TM9SF3: variants seen among roughly 807,000 people sequenced by gnomAD.
The protein encoded by TM9SF3 is SM-11044-binding protein.
A neutral mutation model predicts 78.6 loss-of-function variants in TM9SF3; 14 were observed. That is an observed-to-expected ratio of 0.18 (90% CI 0.12 to 0.28). TM9SF3 has a LOEUF of 0.28. TM9SF3 is among the 10% of genes least tolerant of loss of function. The pLI, the probability that TM9SF3 is intolerant of heterozygous loss-of-function variation, is 1.00. For missense variants in TM9SF3, 496 were observed against 721.9 expected (o/e 0.69, Z 3.59); for synonymous variants, 231 against 241.7 (o/e 0.96, Z 0.41).
intron 4 of TM9SF3, among the ~76,000 whole-genome samples, chr10:96,559,981 A>C (rs941331806): frequency 3.3e-5 from 5 of 152,232 alleles, no homozygotes; most frequent in Admixed American, 6.5e-5. Context: ...AGGACTGTTT[A>C]CTTTTGTTGA....
chr10:96,565,737 A>G (rs1274134165), intron 2 of TM9SF3, among the ~76,000 whole-genome samples: 1 of 152,192 alleles, frequency 6.6e-6, no homozygotes, highest in Non-Finnish European at 1.5e-5. Flanking sequence ...ATTGATTTTA[A>G]AAACAAAAAA....
In TM9SF3 at chr10:96,575,381, T is replaced by C. The variant is rs1299382234; in HGVS notation, c.298+1253A>G. On this transcript the variant is annotated intron_variant, in intron 2 of 14. Transcript: ENST00000371142. ...AGCCTCAAAGGTATGTTTACAGTGA[T>C]TCATAAAATTACAGGCCATGCCACT... Among the ~76,000 whole-genome samples the C allele has an allele frequency of 4.0e-5, 6 of 151,800 alleles. No homozygotes were observed. The South Asian group carries it at 1.2e-3, about 32-fold the overall frequency.
intron 2 of TM9SF3, among the ~76,000 whole-genome samples, chr10:96,565,813 G>A (rs1848362301): frequency 6.6e-6 from 1 of 152,072 alleles, no homozygotes; most frequent in Non-Finnish European, 1.5e-5. Flanking sequence ...GTCATAAACA[G>A]AGATAACCAT....
intron 5 of TM9SF3, among the ~76,000 whole-genome samples, chr10:96,557,277 T>C (rs1341915968): frequency 6.6e-6 from 1 of 152,134 alleles, no homozygotes; most frequent in East Asian, 1.9e-4. Flanking sequence ...TCCCAAACTG[T>C]ACCCTAATCT....
intron 1 of TM9SF3, among the ~76,000 whole-genome samples, chr10:96,585,286 G>A (rs1256083447): frequency 7.9e-5 from 12 of 152,030 alleles, no homozygotes; most frequent in Admixed American, 7.2e-4. Context: ...TTAAACAGAA[G>A]GATGGATGCC....
rs528489765 is a variant in TM9SF3, at chr10:96,579,222, G to GTT, written c.103-2394_103-2393insAA. Among the ~76,000 whole-genome samples the GTT allele has an allele frequency of 3.2e-4, 49 of 152,310 alleles. 2 individuals are homozygous for GTT. The South Asian group carries it at 9.9e-3, about 31-fold the overall frequency. On this transcript the variant is annotated intron_variant, in intron 1 of 14. Transcript: ENST00000371142. The stretch of plus-strand genomic sequence containing the variant: ...GAAATGACTGCTATGTACCCTGACT[G>GTT]TAAGAGTACCTTTTCAGAAAAATAA...
At position 96,520,648 on chromosome 10, in the gene TM9SF3, T is replaced by C; in HGVS notation, c.*1615A>G. On this transcript the variant is annotated 3_prime_UTR_variant, in exon 15 of 15. Coordinates refer to ENST00000371142, the MANE Select transcript of TM9SF3 (RefSeq NM_020123.4). ...TAGGAAAACTTCATATTATGAATAG[T>C]TCCAGAAAAATGTATTCAAATCACT... is the stretch of plus-strand genomic sequence containing the variant. 2.7e-6 allele frequency: 1 copy of C among 374,378 alleles called. No homozygotes were observed. The highest frequency in any genetic ancestry group is 4.8e-6 in the Non-Finnish European group (1 of 210,002). The allele number at this position is 374,378 out of a possible 1,614,324, so 23.2% of individuals were successfully genotyped here.
intron 1 of TM9SF3, chr10:96,577,358 A>G (rs1486286060): frequency 1.3e-5 from 2 of 152,282 alleles, no homozygotes; most frequent in Non-Finnish European, 2.9e-5. Flanking sequence ...AGACTGCTAT[A>G]GAACCTCCAC....
intron 11 of TM9SF3, 66 bp downstream of exon 11, chr10:96,530,474 C>T: frequency 7.6e-7 from 1 of 1,308,534 alleles, no homozygotes; most frequent in Non-Finnish European, 1.1e-6. Context: ...TTACATGTTC[C>T]CTAACTCCTA....
intron 2 of TM9SF3, among the ~76,000 whole-genome samples, chr10:96,574,890 AG>A (rs1278169445): frequency 6.6e-6 from 1 of 152,160 alleles, no homozygotes; most frequent in Non-Finnish European, 1.5e-5. Context: ...ACATGGACAC[AG>A]GGAAGGGAAC....
intron 9 of TM9SF3, chr10:96,543,643 T>C (rs1013539938): frequency 6.5e-6 from 1 of 152,734 alleles, no homozygotes; most frequent in Non-Finnish European, 1.5e-5. Context: ...TGGCCAATGC[T>C]TAGTGACTTT....
In TM9SF3 at chr10:96,543,421, A is replaced by G. The variant is rs183229004; in HGVS notation, c.1185+655T>C. On this transcript the variant is annotated intron_variant, in intron 9 of 14. Transcript: ENST00000371142. ...GTGATCTCGGCTCACTGCAACCTCC[A>G]CCTCCCAGGTTCATGCCATTCTCCT... Among the ~76,000 whole-genome samples, 37 of 138,354 alleles carry G rather than the reference A, an allele frequency of 2.7e-4. 2 individuals carry two copies. In the East Asian group the frequency reaches 7.3e-3, roughly 27 times the overall value. 90.8% of individuals were successfully genotyped at this position (138,354 alleles called of 152,430 possible).
At chr10:96,548,770 C>G (rs1353550315) in intron 7 of TM9SF3, among the ~76,000 whole-genome samples, 1 of 142,810 alleles carries the variant, frequency 7.0e-6, no homozygotes, top group Non-Finnish European at 1.5e-5. Flanking sequence ...TGCACTCCAG[C>G]CTGGATGTCA....
chr10:96,547,477 A>G (rs745819726), intron 8 of TM9SF3, among the ~76,000 whole-genome samples: 8 of 152,220 alleles, frequency 5.3e-5, no homozygotes, highest in Non-Finnish European at 8.8e-5. Flanking sequence ...AGCAAGACAG[A>G]ACACACAATA....
In TM9SF3 at chr10:96,539,903, T is replaced by C. The variant is rs74151377; in HGVS notation, c.1185+4173A>G. Among the ~76,000 whole-genome samples the C allele has an allele frequency of 5.8e-3, 883 of 152,282 alleles. 13 individuals carry two copies. Among genetic ancestry groups the C allele is most frequent in the African/African-American group, 0.02 (848 of 41,554 alleles). On this transcript the variant is annotated intron_variant, in intron 9 of 14. Transcript: ENST00000371142. Reference sequence around the variant, plus strand: ...ACTACGGGAGAGTCTTGGTTTTCTGTTCTGTAAAATAGGAATAACCACACC... The same window carrying C: ...ACTACGGGAGAGTCTTGGTTTTCTGCTCTGTAAAATAGGAATAACCACACC...
At chr10:96,550,031 G>A (rs962064851) in intron 7 of TM9SF3, among the ~76,000 whole-genome samples, 1 of 152,048 alleles carries the variant, frequency 6.6e-6, no homozygotes, top group African/African-American at 2.4e-5. Context: ...TATATTTAGG[G>A]TCCAGCTTAT....
chr10:96,554,274 T>A (rs1420658597), intron 5 of TM9SF3, among the ~76,000 whole-genome samples: 5 of 152,222 alleles, frequency 3.3e-5, no homozygotes, highest in African/African-American at 1.2e-4. Flanking sequence ...TTGTCCCTCA[T>A]TCTTTTCATC....
chr10:96,580,513 G>T (rs764144863), intron 1 of TM9SF3, among the ~76,000 whole-genome samples: 2 of 152,018 alleles, frequency 1.3e-5, no homozygotes, highest in African/African-American at 4.8e-5. Flanking sequence ...TGATCCACCC[G>T]CCTCGGCCTC....
At chr10:96,584,444 AT>A (rs1411186326) in intron 1 of TM9SF3, among the ~76,000 whole-genome samples, 1 of 152,232 alleles carries the variant, frequency 6.6e-6, no homozygotes, top group East Asian at 1.9e-4. Flanking sequence ...TATAAATGAC[AT>A]TTGAATTTTA....
Sources: allele counts gnomAD v4.1 joint callset (sites outside exome capture counted in the v4.1 genomes callset), GRCh38; gene constraint gnomAD v4.1.1; transcripts MANE v1.5; gene names NCBI Gene and HGNC (gene_info 2026-07-23, HGNC 2026-07-21).